PGM3: variants seen among roughly 807,000 people sequenced by gnomAD.
The protein encoded by PGM3 is phosphoglucomutase 3.
Under a neutral mutation model 66.2 loss-of-function variants are expected in PGM3, and 40 were observed. That is an observed-to-expected ratio of 0.60 (90% CI 0.47 to 0.79). The LOEUF is 0.79. PGM3 is among the 30% of genes least tolerant of loss of function. The pLI is 0.00. For missense variants in PGM3, 537 were observed against 643.4 expected, an observed-to-expected ratio of 0.83 and a Z score of 1.79; for synonymous variants, 191 against 224.2, an observed-to-expected ratio of 0.85 and a Z score of 1.32.
chr6:83,168,645 C>T lies in PGM3; in HGVS notation c.*589G>A, dbSNP rs1786412172. The T allele has an allele frequency of 2.0e-6, 2 of 996,546 alleles. No individual in the cohort carries two copies. Among genetic ancestry groups the T allele is most frequent in the African/African-American group, 1.7e-5 (1 of 57,278 alleles). The allele number at this position is 996,546 out of a possible 1,614,324, so 61.7% of individuals were successfully genotyped here. On this transcript the variant is annotated 3_prime_UTR_variant, in exon 13 of 13. Transcript: ENST00000513973. ...AAGAGCAGTGAAGAATAACTGAAGG[C>T]TGGACCATGCATCCTTAAAAGTATT...
At chr6:83,158,593 G>A, downstream of PGM3, 1 of 1,608,020 alleles carries the variant, frequency 6.2e-7, no homozygotes, top group Non-Finnish European at 8.5e-7. Context: ...TGATGGAGCA[G>A]GAACTCACTG....
intron 3 of PGM3, among the ~76,000 whole-genome samples, chr6:83,187,986 G>T (rs1788711056): frequency 1.3e-5 from 2 of 152,222 alleles, no homozygotes; most frequent in Admixed American, 6.5e-5. Context: ...TAATACAACA[G>T]AGGGTAAAAA....
chr6:83,169,558 T>C (rs1412251284), intron 12 of PGM3: 2 of 530,810 alleles, frequency 3.8e-6, no homozygotes, highest in Non-Finnish European at 6.8e-6. Context: ...CAATTCAGAT[T>C]ATAAAAATAG....
downstream of PGM3, chr6:83,156,195 A>G (rs369204693): frequency 1.9e-5 from 20 of 1,027,518 alleles, no homozygotes; most frequent in African/African-American, 2.1e-4. Flanking sequence ...GGGGTAAAAT[A>G]TATCAAGTGT....
intron 10 of PGM3, among the ~76,000 whole-genome samples, chr6:83,173,775 C>T (rs1175806098): frequency 6.6e-6 from 1 of 152,106 alleles, no homozygotes; most frequent in Non-Finnish European, 1.5e-5. Flanking sequence ...CTCGCTCTGT[C>T]ACCCAGGCTG....
chr6:83,166,295 G>A lies in PGM3; in HGVS notation c.*2939C>T. ...TTGTAAGAGGATCAGCTTCGATGATGTTCTCAATTGGTCATTATCAATTTC... is the reference window on the plus strand; with the variant it reads ...TTGTAAGAGGATCAGCTTCGATGATATTCTCAATTGGTCATTATCAATTTC... On this transcript the variant is annotated 3_prime_UTR_variant, in exon 13 of 13. Coordinates refer to ENST00000513973, the MANE Select transcript of PGM3 (RefSeq NM_015599.3). 3.2e-6 allele frequency: 2 copies of A among 617,484 alleles called. No individual in the cohort carries two copies. Among genetic ancestry groups the A allele is most frequent in the Non-Finnish European group, 5.8e-6 (2 of 343,798 alleles). 38.3% of individuals were successfully genotyped at this position (617,484 alleles called of 1,614,324 possible).
chr6:83,182,019 T>A (rs1008373934), intron 5 of PGM3, 88 bp from the exon 6 acceptor site: 5 of 632,730 alleles, frequency 7.9e-6, no homozygotes, highest in Admixed American at 3.6e-5. Context: ...TGTGCATATG[T>A]AAATATTTAG....
downstream of PGM3, among the ~76,000 whole-genome samples, chr6:83,162,303 C>CA (rs1259419221): frequency 2.0e-5 from 3 of 151,670 alleles, no homozygotes; most frequent in African/African-American, 4.8e-5. Context: ...AAGAGAAGTG[C>CA]AAAAAAAGCC....
intron 5 of PGM3, among the ~76,000 whole-genome samples, chr6:83,182,513 C>T (rs937510843): frequency 4.6e-5 from 7 of 152,202 alleles, no homozygotes; most frequent in Admixed American, 4.6e-4. Flanking sequence ...CTCAATAGTA[C>T]ATGCCTCAGG....
At chr6:83,159,611 T>C (rs563848538), downstream of PGM3, 16 of 693,840 alleles carry the variant, frequency 2.3e-5, no homozygotes, top group African/African-American at 2.5e-4. Flanking sequence ...TTTTGCATTC[T>C]CAAAGAAGAA....
rs1785468233 is a variant in PGM3 at position 83,166,131 on chromosome 6, TCAAAA to T, written c.*3098_*3102del. 1.8e-5 allele frequency: 8 copies of T among 455,488 alleles called. No individual in the cohort carries two copies. The South Asian group carries it at 3.6e-4, about 20-fold the overall frequency. 28.2% of individuals were successfully genotyped at this position (455,488 alleles called of 1,614,324 possible). A position where few individuals can be genotyped will look rare whatever the true frequency, so the allele number is the denominator to read the frequency against. On this transcript the variant is annotated 3_prime_UTR_variant, in exon 13 of 13. Transcript: ENST00000513973. Reference sequence around the variant, plus strand: ...TGCATAGAATAGAGAAAATGACACTTCAAAACAACGAATTTTTTTATTTTTCACTC... The same window carrying T: ...TGCATAGAATAGAGAAAATGACACTTCAACGAATTTTTTTATTTTTCACTC...
intron 4 of PGM3, among the ~76,000 whole-genome samples, 156 bp downstream of exon 4, chr6:83,186,852 G>T (rs942107327): frequency 6.6e-6 from 1 of 152,150 alleles, no homozygotes. Flanking sequence ...CCTGGAAGAT[G>T]ATTTTTAAAG....
intron 9 of PGM3, among the ~76,000 whole-genome samples, chr6:83,175,481 G>A (rs1167977938): frequency 6.6e-6 from 1 of 152,038 alleles, no homozygotes; most frequent in East Asian, 1.9e-4. Context: ...AAAATATTCT[G>A]AACATTATGA....
intron 1 of PGM3, among the ~76,000 whole-genome samples, chr6:83,192,598 C>G (rs1789215761): frequency 6.6e-6 from 1 of 151,904 alleles, no homozygotes; most frequent in African/African-American, 2.4e-5. Context: ...GATCAGATCT[C>G]TTTCCTAAGG....
At position 83,167,973 on chromosome 6, in the gene PGM3, G is replaced by A; in HGVS notation, c.*1261C>T. 1 of 1,614,154 alleles carries A rather than the reference G, an allele frequency of 6.2e-7. No homozygotes were observed. Among genetic ancestry groups the A allele is most frequent in the Non-Finnish European group, 8.5e-7 (1 of 1,180,020 alleles). ...GGAGCAGCTCCTGCCGTTCTTCAAT[G>A]TGCTCAGTCAAGTCTTCAACAGCAA... On this transcript the variant is annotated 3_prime_UTR_variant, in exon 13 of 13. Coordinates refer to ENST00000513973, the MANE Select transcript of PGM3 (RefSeq NM_015599.3).
chr6:83,159,801 C>T, downstream of PGM3: 1 of 1,614,086 alleles, frequency 6.2e-7, no homozygotes, highest in Non-Finnish European at 8.5e-7. Flanking sequence ...TACAGGACTT[C>T]AGGGCCCTCT....
the PGM3 span, among the ~76,000 whole-genome samples, chr6:83,149,940 A>G: frequency 9.8e-5 from 15 of 152,366 alleles, no homozygotes; most frequent in East Asian, 2.5e-3. Context: ...GACAATCTGG[A>G]CAGGCATCCT....
At position 83,168,453 on chromosome 6, in the gene PGM3, A is replaced by G; in HGVS notation, c.*781T>C. On this transcript the variant is annotated 3_prime_UTR_variant, in exon 13 of 13. Coordinates refer to ENST00000513973, the MANE Select transcript of PGM3 (RefSeq NM_015599.3). Reference sequence around the variant, plus strand: ...GTTGTCTTAAACCTGCAAAATATACACTACCCATTTTTTTTTTCCATTGGT... The same window carrying G: ...GTTGTCTTAAACCTGCAAAATATACGCTACCCATTTTTTTTTTCCATTGGT... 1 of 1,076,028 alleles carries G rather than the reference A, an allele frequency of 9.3e-7. No homozygotes were observed. The highest frequency in any genetic ancestry group is 4.3e-4 in the Middle Eastern group (1 of 2,350). The allele number at this position is 1,076,028 out of a possible 1,614,324, so 66.7% of individuals were successfully genotyped here.
rs1313730894 is a variant in PGM3 at position 83,185,455 on chromosome 6, A to C, written c.457+1553T>G. On this transcript the variant is annotated intron_variant, in intron 4 of 12. Coordinates refer to ENST00000513973, the MANE Select transcript of PGM3 (RefSeq NM_015599.3). Reference sequence around the variant, plus strand: ...GGATGTACACAGCAGGTAGTAAAACATGTTTGATGAATTAACAAATGAATG... The same window carrying C: ...GGATGTACACAGCAGGTAGTAAAACCTGTTTGATGAATTAACAAATGAATG... Among the ~76,000 whole-genome samples the C allele has an allele frequency of 2.0e-5, 3 of 152,230 alleles. No individual in the cohort carries two copies. In the East Asian group the frequency reaches 5.8e-4, roughly 29 times the overall value.
Sources: allele counts gnomAD v4.1 joint callset (sites outside exome capture counted in the v4.1 genomes callset), GRCh38; gene constraint gnomAD v4.1.1; transcripts MANE v1.5; gene names NCBI Gene and HGNC (gene_info 2026-07-23, HGNC 2026-07-21).